Variants in MTERF4 observed in about 807,000 individuals in gnomAD.
MTERF4 encodes the protein transcription termination factor 4, mitochondrial.
MTERF4 carries 17 observed loss-of-function variants against 22.5 expected under a neutral mutation model. That is an observed-to-expected ratio of 0.75 (90% CI 0.52 to 1.13). MTERF4 has a LOEUF of 1.13. Among genes scored for constraint, MTERF4 ranks in the 50% most tolerant of loss-of-function variants. The pLI, the probability that MTERF4 is intolerant of heterozygous loss-of-function variation, is 0.00. For synonymous variants in MTERF4, 165 were observed against 175.3 expected, an observed-to-expected ratio of 0.94 and a Z score of 0.47; for missense variants, 420 against 466.8, an observed-to-expected ratio of 0.90 and a Z score of 0.92.
chr2:241,072,032 G>A (rs2125245354), downstream of MTERF4: 2 of 751,402 alleles, frequency 2.7e-6, no homozygotes. Context: ...CAAGGCGCGG[G>A]GCTCGTGGGC....
At position 241,096,104 on chromosome 2, in the gene MTERF4, T is replaced by C. The variant is rs749003293; in HGVS notation, c.1040A>G (p.Asp347Gly). The C allele has an allele frequency of 6.2e-6, 10 of 1,608,630 alleles. No homozygotes were observed. Among genetic ancestry groups the C allele is most frequent in the Middle Eastern group, 3.3e-4 (2 of 6,082 alleles). ...GTCATCCTCATCATTGTCCTCCTCA[T>C]CATCGTCATCCTCATCCTCATCCAG... is the stretch of plus-strand genomic sequence containing the variant. Reference protein sequence around the residue: ...ASLDEDEDDDDEEDNDEDDND... With the variant: ...ASLDEDEDDDGEEDNDEDDND... Residue 347 changes from aspartate to glycine, a missense_variant, in exon 4 of 4, where the codon GAT becomes GGT. Transcript: ENST00000391980. This position sits in a 1 kb window ranked among gnomAD's most constrained non-coding sequence, Gnocchi z 5.1.
At chr2:241,068,520 C>G (rs1238282688), downstream of MTERF4, among the ~76,000 whole-genome samples, 1 of 152,130 alleles carries the variant, frequency 6.6e-6, no homozygotes, top group Non-Finnish European at 1.5e-5. The surrounding 1 kb of genome is among the most constrained non-coding windows in gnomAD (Gnocchi z 5.3). Flanking sequence ...CTTCCTGGGG[C>G]TGGGGTGGCA....
chr2:241,081,364 C>G (rs74000358), intron 4 of MTERF4, among the ~76,000 whole-genome samples: 2 of 152,130 alleles, frequency 1.3e-5, no homozygotes, highest in South Asian at 2.1e-4. Context: ...GGGCTCAGCA[C>G]TGAAGGCCCC....
At position 241,073,219 on chromosome 2, in the gene MTERF4, G is replaced by C; in HGVS notation, n.2943C>G. 2.1e-6 allele frequency: 3 copies of C among 1,419,524 alleles called. No individual in the cohort carries two copies. The highest frequency in any genetic ancestry group is 2.9e-6 in the Non-Finnish European group (3 of 1,029,768). The allele number at this position is 1,419,524 out of a possible 1,614,324, so 87.9% of individuals were successfully genotyped here. Reference sequence around the variant, plus strand: ...AAAAGGGTGGCCCCAGGACCATCCCGGGTGCAAAGCAGCTGCGCCGTGTGG... The same window carrying C: ...AAAAGGGTGGCCCCAGGACCATCCCCGGTGCAAAGCAGCTGCGCCGTGTGG... On this transcript the variant is annotated non_coding_transcript_exon_variant, in exon 5 of 5. Coordinates refer to the MTERF4 transcript ENST00000464344. The surrounding 1 kb of genome is among the most constrained non-coding windows in gnomAD (Gnocchi z 6.6).
chr2:241,056,828 G>A, the MTERF4 span, among the ~76,000 whole-genome samples: 8 of 151,790 alleles, frequency 5.3e-5, no homozygotes, highest in African/African-American at 9.7e-5. Flanking sequence ...TGATCCACCC[G>A]CCTCAGCCTC....
intron 3 of MTERF4, 168 bp downstream of exon 3, chr2:241,097,074 CG>C: frequency 2.8e-6 from 2 of 706,936 alleles, no homozygotes; most frequent in Non-Finnish European, 2.4e-6. Flanking sequence ...ATGAGGTGTC[CG>C]AGGCTTCTTA....
At chr2:241,090,544 G>C (rs1456042686), downstream of MTERF4, 2 of 1,373,326 alleles carry the variant, frequency 1.5e-6, no homozygotes, top group Non-Finnish European at 1.9e-6. Context: ...GTATGTGCTA[G>C]ACTTCTATAC....
chr2:241,095,924 AC>A lies in MTERF4; in HGVS notation c.*73del, dbSNP rs1211842015. On this transcript the variant is annotated 3_prime_UTR_variant, in exon 4 of 4. Transcript: ENST00000391980. ...TAACTTGAGAAGATTCAAGTAAAGG[AC>A]CCAAAAGCTTTAAGAGAATGAAAAG... is the stretch of plus-strand genomic sequence containing the variant. The A allele has an allele frequency of 2.6e-6, 4 of 1,532,108 alleles. No individual in the cohort carries two copies. Among genetic ancestry groups the A allele is most frequent in the Non-Finnish European group, 3.5e-6 (4 of 1,143,574 alleles). The allele number at this position is 1,532,108 out of a possible 1,614,324, so 94.9% of individuals were successfully genotyped here.
chr2:241,089,377 A>C (rs997253567), downstream of MTERF4: 11 of 1,550,600 alleles, frequency 7.1e-6, no homozygotes, highest in Admixed American at 2.2e-4. Context: ...TAAAAAAATA[A>C]AGGAGAAATG....
At chr2:241,064,398 C>T in the MTERF4 span, among the ~76,000 whole-genome samples, 1 of 152,180 alleles carries the variant, frequency 6.6e-6, no homozygotes, top group Non-Finnish European at 1.5e-5. This position sits in a 1 kb window ranked among gnomAD's most constrained non-coding sequence, Gnocchi z 7.0. Flanking sequence ...GGTGGGGCCT[C>T]ACGTCCACAC....
downstream of MTERF4, among the ~76,000 whole-genome samples, chr2:241,090,725 G>A (rs1003389178): frequency 1.2e-4 from 18 of 152,246 alleles, no homozygotes; most frequent in South Asian, 8.3e-4. Context: ...AAATTAGTCA[G>A]ACATGGTGGT....
downstream of MTERF4, among the ~76,000 whole-genome samples, chr2:241,068,281 G>T (rs9751850): frequency 3.6e-4 from 54 of 151,652 alleles, no homozygotes; most frequent in African/African-American, 1.2e-3. This position sits in a 1 kb window ranked among gnomAD's most constrained non-coding sequence, Gnocchi z 5.3. Context: ...GCCAGCGAGG[G>T]TAGATGGTAG....
rs576759487 is a variant in MTERF4 at position 241,073,189 on chromosome 2, C to T, written n.2973G>A. The stretch of plus-strand genomic sequence containing the variant: ...ATCCGTGCTCCCTGAGATATAGAAG[C>T]ACTCAAAAGGGTGGCCCCAGGACCA... On this transcript the variant is annotated non_coding_transcript_exon_variant, in exon 5 of 5. Transcript: ENST00000464344. The surrounding 1 kb of genome is among the most constrained non-coding windows in gnomAD (Gnocchi z 6.6). The T allele has an allele frequency of 7.2e-4, 741 of 1,022,838 alleles. 3 individuals are homozygous for T. In the Middle Eastern group the frequency reaches 9.4e-3, roughly 13 times the overall value. 63.4% of individuals were successfully genotyped at this position (1,022,838 alleles called of 1,614,324 possible). A position where few individuals can be genotyped will look rare whatever the true frequency, so the allele number is the denominator to read the frequency against.
At chr2:241,071,936 T>A, downstream of MTERF4, 1 of 1,347,604 alleles carries the variant, frequency 7.4e-7, no homozygotes, top group Non-Finnish European at 1.0e-6. Flanking sequence ...TCACTGCCAC[T>A]CTCACCAGGT....
chr2:241,067,709 A>T, downstream of MTERF4: 1 of 1,483,522 alleles, frequency 6.7e-7, no homozygotes, highest in Non-Finnish European at 9.2e-7. Flanking sequence ...GAGCCCCTGC[A>T]CTCCCCCAGG....
At chr2:241,077,559 G>A (rs1313484207) in intron 4 of MTERF4, among the ~76,000 whole-genome samples, 2 of 151,882 alleles carry the variant, frequency 1.3e-5, no homozygotes, top group Non-Finnish European at 1.5e-5. Flanking sequence ...TCTGACAACT[G>A]AACAATAAAA....
chr2:241,098,393 C>CA (rs1023332018), intron 2 of MTERF4, among the ~76,000 whole-genome samples: 1 of 152,106 alleles, frequency 6.6e-6, no homozygotes, highest in African/African-American at 2.4e-5. Context: ...ACCACTGCCT[C>CA]AAAAAACATC....
chr2:241,042,823 G>T, the MTERF4 span, among the ~76,000 whole-genome samples: 1 of 152,154 alleles, frequency 6.6e-6, no homozygotes, highest in Non-Finnish European at 1.5e-5. Context: ...ATCACAGAGA[G>T]AATAAGACTA....
chr2:241,065,525 C>A, the MTERF4 span: 1 of 1,613,004 alleles, frequency 6.2e-7, no homozygotes, highest in Non-Finnish European at 8.5e-7. Context: ...ACATCTCCGT[C>A]TTCTCAGTGA....
Sources: gnomAD v4.1 joint callset for allele counts (sites outside exome capture counted in the v4.1 genomes callset) on GRCh38, gnomAD v4.1.1 for gene constraint, Gnocchi (gnomAD v3.1) non-coding constraint, MANE v1.5 for transcripts, NCBI Gene and HGNC (gene_info 2026-07-23, HGNC 2026-07-21) for gene names.